The following TPD52 variants were observed in gnomAD, a reference collection of about 807,000 sequenced individuals.
TPD52 encodes prostate and colon associated protein.
TPD52 carries 17 observed loss-of-function variants against 31.3 expected under a neutral mutation model. The observed-to-expected ratio is 0.54, with a 90% CI of 0.37 to 0.82. The LOEUF is 0.82. Among genes scored for constraint, TPD52 ranks in the 40% least tolerant of loss-of-function variants. The probability of loss-of-function intolerance (pLI) is 0.00; values close to 1 mark genes in which losing one functional copy is unlikely to be tolerated. For missense variants in TPD52, 212 were observed against 240.1 expected (o/e 0.88, Z 0.77); for synonymous variants, 83 against 89.6 (o/e 0.93, Z 0.42).
chr8:80,064,607 TA>T lies in TPD52; in HGVS notation c.20-15del. 2.5e-6 allele frequency: 4 copies of T among 1,605,934 alleles called. No individual in the cohort carries two copies. Among genetic ancestry groups the T allele is most frequent in the Non-Finnish European group, 3.4e-6 (4 of 1,172,548 alleles). On this transcript the variant is annotated splice_polypyrimidine_tract_variant and intron_variant, in intron 1 of 7. Coordinates refer to ENST00000518937, the MANE Select transcript of TPD52 (RefSeq NM_001025253.3). Reference sequence around the variant, plus strand: ...TTCTCAGCAGACCTGGTTGGGGATTTAAACCATTTTTTAAAGTGCAAAATCT... The same window carrying T: ...TTCTCAGCAGACCTGGTTGGGGATTTAACCATTTTTTAAAGTGCAAAATCT...
At chr8:80,158,915 GC>G (rs1488730065) in intron 1 of TPD52, 1 of 126,780 alleles carries the variant, frequency 7.9e-6, no homozygotes, top group Non-Finnish European at 1.5e-5. Context: ...CTGCACTCCA[GC>G]CTGGGCGACA....
intron 1 of TPD52, among the ~76,000 whole-genome samples, chr8:80,160,442 ATCG>A (rs1811269162): frequency 6.6e-6 from 1 of 152,198 alleles, no homozygotes; most frequent in South Asian, 2.1e-4. Context: ...ATGTGGTATC[ATCG>A]TCATCATTCT....
At chr8:80,098,553 C>G (rs1294331761) in intron 1 of TPD52, among the ~76,000 whole-genome samples, 1 of 152,210 alleles carries the variant, frequency 6.6e-6, no homozygotes, top group African/African-American at 2.4e-5. Context: ...TACAGAATTA[C>G]AAGTGGAGCC....
chr8:80,057,567 A>C (rs765830444), intron 2 of TPD52, among the ~76,000 whole-genome samples: 21 of 152,234 alleles, frequency 1.4e-4, no homozygotes, highest in Non-Finnish European at 2.6e-4. Flanking sequence ...TAACACAAAA[A>C]TGGAAAACCA....
rs996265164 is a variant in TPD52 at position 80,036,200 on chromosome 8, T to C, written c.*1916A>G. 6.6e-6 allele frequency: 1 copy of C among 152,368 alleles called. No homozygotes were observed. Among genetic ancestry groups the C allele is most frequent in the Non-Finnish European group, 1.5e-5 (1 of 68,030 alleles). 9.4% of individuals were successfully genotyped at this position (152,368 alleles called of 1,614,324 possible). A position where few individuals can be genotyped will look rare whatever the true frequency, so the allele number is the denominator to read the frequency against. ...GGGCAGAAAAGAGACTTGAGGGTAT[T>C]TCACTCATCTAAAGAAATTGCCACT... On this transcript the variant is annotated 3_prime_UTR_variant, in exon 8 of 8. Coordinates refer to ENST00000518937, the MANE Select transcript of TPD52 (RefSeq NM_001025253.3).
At chr8:80,102,457 T>C (rs1365559029) in intron 1 of TPD52, among the ~76,000 whole-genome samples, 2 of 152,202 alleles carry the variant, frequency 1.3e-5, no homozygotes, top group Non-Finnish European at 2.9e-5. Flanking sequence ...TATATTCTAC[T>C]GGTCACACAG....
intron 1 of TPD52, among the ~76,000 whole-genome samples, chr8:80,091,986 A>G (rs1350263761): frequency 1.3e-5 from 2 of 152,214 alleles, no homozygotes; most frequent in Non-Finnish European, 2.9e-5. Flanking sequence ...AACATAAGAG[A>G]CAGATTTTAT....
chr8:80,083,900 T>A (rs1044554659), intron 1 of TPD52, among the ~76,000 whole-genome samples: 4 of 152,184 alleles, frequency 2.6e-5, no homozygotes, highest in Non-Finnish European at 5.9e-5. Context: ...CTGGCTTTCC[T>A]CACAATGTTC....
intron 1 of TPD52, among the ~76,000 whole-genome samples, chr8:80,169,676 TA>T (rs1346577621): frequency 6.6e-6 from 1 of 152,222 alleles, no homozygotes; most frequent in East Asian, 1.9e-4. Context: ...CGACAGTGTG[TA>T]ACAGATTAGT....
intron 1 of TPD52, among the ~76,000 whole-genome samples, chr8:80,099,703 G>T (rs539486963): frequency 2.0e-5 from 3 of 152,214 alleles, no homozygotes; most frequent in Admixed American, 2.0e-4. Context: ...TAGAGACGGG[G>T]TTTTACCATG....
At chr8:80,108,818 T>A (rs1418960738) in intron 1 of TPD52, among the ~76,000 whole-genome samples, 3 of 152,232 alleles carry the variant, frequency 2.0e-5, no homozygotes, top group African/African-American at 7.2e-5. Flanking sequence ...TTAAGAAACA[T>A]TTTACCTTTT....
At chr8:80,073,557 A>G (rs1220567763) in intron 1 of TPD52, among the ~76,000 whole-genome samples, 2 of 152,188 alleles carry the variant, frequency 1.3e-5, no homozygotes, top group Non-Finnish European at 2.9e-5. Flanking sequence ...TCATGCTCCA[A>G]TCCTGTGTCT....
intron 1 of TPD52, among the ~76,000 whole-genome samples, chr8:80,109,023 T>C (rs1807322130): frequency 6.6e-6 from 1 of 152,208 alleles, no homozygotes; most frequent in African/African-American, 2.4e-5. Context: ...ATTGGAAACA[T>C]TGGTTATATT....
At chr8:80,158,440 G>A (rs1179702069) in intron 1 of TPD52, 3 of 152,306 alleles carry the variant, frequency 2.0e-5, no homozygotes, top group Non-Finnish European at 4.4e-5. Flanking sequence ...CACCTACTTT[G>A]GGAATTCTTT....
intron 1 of TPD52, among the ~76,000 whole-genome samples, chr8:80,087,491 A>C (rs1347258932): frequency 1.3e-5 from 2 of 152,186 alleles, no homozygotes; most frequent in Non-Finnish European, 2.9e-5. Context: ...AGGGCTAAAA[A>C]ACAAACAAAC....
chr8:80,088,585 G>A (rs1212575143), intron 1 of TPD52, among the ~76,000 whole-genome samples: 3 of 152,130 alleles, frequency 2.0e-5, no homozygotes, highest in Non-Finnish European at 4.4e-5. Context: ...GTCTGAAGCT[G>A]GACTGCCGAG....
At chr8:80,158,941 C>A (rs1811162699) in intron 1 of TPD52, 1 of 50,258 alleles carries the variant, frequency 2.0e-5, no homozygotes. Flanking sequence ...GAGACTCCGT[C>A]TCAAAAAAAA....
chr8:80,087,658 T>A (rs1815918486), intron 1 of TPD52, among the ~76,000 whole-genome samples: 1 of 152,154 alleles, frequency 6.6e-6, no homozygotes, highest in Non-Finnish European at 1.5e-5. Flanking sequence ...CCAGGCCCCT[T>A]CTGAGAGCTG....
intron 1 of TPD52, among the ~76,000 whole-genome samples, chr8:80,091,141 T>C (rs1355797928): frequency 6.6e-6 from 1 of 152,154 alleles, no homozygotes; most frequent in Non-Finnish European, 1.5e-5. Context: ...AATGCCTGAA[T>C]TCTCTATCAC....
Sources: allele counts gnomAD v4.1 joint callset (sites outside exome capture counted in the v4.1 genomes callset), GRCh38; gene constraint gnomAD v4.1.1; transcripts MANE v1.5; gene names NCBI Gene and HGNC (gene_info 2026-07-23, HGNC 2026-07-21).